PTGIS: variants seen among roughly 807,000 people sequenced by gnomAD.
PTGIS encodes the protein prostacyclin synthase.
Under a neutral mutation model 50.3 loss-of-function variants are expected in PTGIS, and 45 were observed. The observed-to-expected ratio is 0.90, with a 90% CI of 0.70 to 1.15. PTGIS has a LOEUF of 1.15. Among genes scored for constraint, PTGIS ranks in the 50% most tolerant of loss-of-function variants. PTGIS has a pLI of 0.00. For synonymous variants in PTGIS, 260 were observed against 267.7 expected (o/e 0.97, Z 0.28); for missense variants, 668 against 661.3 (o/e 1.01, Z -0.11).
intron 3 of PTGIS, 122 bp downstream of exon 3, chr20:49,547,719 G>A (rs1982396613): frequency 1.7e-6 from 2 of 1,157,014 alleles, no homozygotes; most frequent in Non-Finnish European, 2.6e-6. Flanking sequence ...TTCTGTTTGT[G>A]TTCTCAAGAC....
chr20:49,537,753 T>C lies in PTGIS; in HGVS notation c.673+1817A>G, dbSNP rs150282574. Among the ~76,000 whole-genome samples, 655 of 152,014 alleles carry C rather than the reference T, an allele frequency of 4.3e-3. 5 individuals are homozygous for C. The highest frequency in any genetic ancestry group is 0.015 in the African/African-American group (626 of 41,420). On this transcript the variant is annotated intron_variant, in intron 5 of 9. Transcript: ENST00000244043. ...CTGGGCAACAGGGCAAGACTCTGTC[T>C]CAAAAAAACAAAAACAAAAACAAAA...
intron 5 of PTGIS, among the ~76,000 whole-genome samples, chr20:49,528,970 A>T (rs779318865): frequency 9.2e-5 from 14 of 152,192 alleles, no homozygotes; most frequent in Non-Finnish European, 1.6e-4. Context: ...GTTATTACTT[A>T]ATTTTTTTCC....
At chr20:49,513,990 A>G (rs993114130) in intron 7 of PTGIS, among the ~76,000 whole-genome samples, 4 of 152,210 alleles carry the variant, frequency 2.6e-5, no homozygotes, top group Non-Finnish European at 4.4e-5. Context: ...TTTTAGTGAC[A>G]TGTCTCAAAG....
intron 7 of PTGIS, 81 bp downstream of exon 7, chr20:49,514,146 A>C: frequency 2.6e-6 from 4 of 1,524,916 alleles, no homozygotes; most frequent in Non-Finnish European, 3.6e-6. Flanking sequence ...CCTGGAAGAC[A>C]GGAGTCCATG....
intron 1 of PTGIS, among the ~76,000 whole-genome samples, chr20:49,564,935 C>T (rs375544098): frequency 6.6e-5 from 10 of 150,738 alleles, no homozygotes; most frequent in Non-Finnish European, 1.2e-4. Flanking sequence ...ACCATTCAGA[C>T]GGCATCAGGG....
chr20:49,566,952 G>A (rs910718561), intron 1 of PTGIS, among the ~76,000 whole-genome samples: 13 of 152,174 alleles, frequency 8.5e-5, no homozygotes, highest in African/African-American at 2.9e-4. Flanking sequence ...TAGGGAAAAC[G>A]GGGTGAGAGA....
At chr20:49,555,902 C>T (rs1254207766) in intron 1 of PTGIS, among the ~76,000 whole-genome samples, 1 of 152,164 alleles carries the variant, frequency 6.6e-6, no homozygotes, top group African/African-American at 2.4e-5. Context: ...GAAAAACTTC[C>T]AGGACTGTCA....
intron 2 of PTGIS, 89 bp from the exon 3 acceptor site, chr20:49,548,108 C>T (rs970106580): frequency 4.1e-6 from 5 of 1,216,900 alleles, no homozygotes; most frequent in Admixed American, 1.8e-5. Flanking sequence ...GTGCCAGGCA[C>T]TGCCCCACTG....
chr20:49,548,087 G>T, intron 2 of PTGIS, 68 bp from the exon 3 acceptor site: 1 of 1,478,226 alleles, frequency 6.8e-7, no homozygotes, highest in Non-Finnish European at 9.4e-7. Flanking sequence ...CAGTGGTCAG[G>T]GCCTTACTGT....
intron 7 of PTGIS, 75 bp from the exon 8 acceptor site, chr20:49,513,336 T>A: frequency 2.0e-6 from 3 of 1,513,176 alleles, no homozygotes; most frequent in Non-Finnish European, 2.7e-6. Flanking sequence ...CAGCTCTTAT[T>A]TTACAGAGGA....
chr20:49,510,987 G>A (rs750708215), intron 9 of PTGIS, 41 bp downstream of exon 9: 5 of 1,599,406 alleles, frequency 3.1e-6, no homozygotes, highest in South Asian at 1.1e-5. Flanking sequence ...CCAACCAGGG[G>A]ATCAGGAGCC....
intron 6 of PTGIS, among the ~76,000 whole-genome samples, chr20:49,517,965 C>T (rs187760042): frequency 7.2e-5 from 11 of 152,288 alleles, no homozygotes; most frequent in African/African-American, 2.4e-4. Flanking sequence ...GGGCATATGA[C>T]GTGGGCTGGG....
At chr20:49,509,623 G>A (rs2122834380) in intron 9 of PTGIS, among the ~76,000 whole-genome samples, 1 of 152,258 alleles carries the variant, frequency 6.6e-6, no homozygotes, top group Middle Eastern at 3.4e-3. Context: ...ACGAAAGACT[G>A]CACCCAGCTG....
chr20:49,551,806 T>TTGTGTG lies in PTGIS; in HGVS notation c.75-1623_75-1618dup, dbSNP rs58517059. Among the ~76,000 whole-genome samples, 250 of 142,672 alleles carry TTGTGTG rather than the reference T, an allele frequency of 1.8e-3. 1 individual carries two copies. The highest frequency in any genetic ancestry group is 0.013 in the East Asian group (62 of 4,812). 93.6% of individuals were successfully genotyped at this position (142,672 alleles called of 152,430 possible). A position where few individuals can be genotyped will look rare whatever the true frequency, so the allele number is the denominator to read the frequency against. ...TGTGTGTGTATGCATGTGTATGTGT[T>TTGTGTG]TGTGTGTGTGTGTGTGTGTGTGTGT... On this transcript the variant is annotated intron_variant, in intron 1 of 9. Coordinates refer to ENST00000244043, the MANE Select transcript of PTGIS (RefSeq NM_000961.4).
At chr20:49,527,164 C>G (rs1009864787) in intron 5 of PTGIS, among the ~76,000 whole-genome samples, 2 of 152,020 alleles carry the variant, frequency 1.3e-5, no homozygotes, top group Non-Finnish European at 2.9e-5. Flanking sequence ...GACGCATATG[C>G]CAGGCATGGT....
chr20:49,558,266 G>A (rs1982670627), intron 1 of PTGIS, among the ~76,000 whole-genome samples: 1 of 152,132 alleles, frequency 6.6e-6, no homozygotes, highest in South Asian at 2.1e-4. Flanking sequence ...GTGTGCACCT[G>A]TAGTCCCAGC....
chr20:49,512,910 T>C (rs1052991513), intron 8 of PTGIS, among the ~76,000 whole-genome samples, 170 bp downstream of exon 8: 2 of 152,160 alleles, frequency 1.3e-5, no homozygotes, highest in South Asian at 2.1e-4. Flanking sequence ...GGTGCTATTA[T>C]GAGGTCCATT....
chr20:49,546,794 C>T (rs1410692772), intron 3 of PTGIS, among the ~76,000 whole-genome samples: 1 of 152,186 alleles, frequency 6.6e-6, no homozygotes, highest in South Asian at 2.1e-4. Flanking sequence ...AGACACCTGG[C>T]CTATAATAGC....
intron 5 of PTGIS, among the ~76,000 whole-genome samples, chr20:49,526,669 G>A (rs6125665): frequency 1.3e-5 from 2 of 152,096 alleles, no homozygotes; most frequent in East Asian, 1.9e-4. Flanking sequence ...ATTGGCAAAG[G>A]ACTTGAATAG....
Sources: allele counts gnomAD v4.1 joint callset (sites outside exome capture counted in the v4.1 genomes callset), GRCh38; gene constraint gnomAD v4.1.1; transcripts MANE v1.5; gene names NCBI Gene and HGNC (gene_info 2026-07-23, HGNC 2026-07-21).